Variants in CAPN8 observed in about 807,000 individuals in gnomAD.
The protein encoded by CAPN8 is calpain 8.
Under a neutral mutation model 80.9 loss-of-function variants are expected in CAPN8, and 87 were observed. The ratio of observed to expected loss-of-function variants is 1.07; its 90% CI spans 0.90 to 1.28. CAPN8 has a LOEUF of 1.28. Among genes scored for constraint, CAPN8 ranks in the 50% most tolerant of loss-of-function variants. The pLI is 0.00. For synonymous variants in CAPN8, 299 were observed against 273.8 expected (o/e 1.09, Z -0.91); for missense variants, 757 against 702.0 (o/e 1.08, Z -0.89).
chr1:223,627,205 A>G lies in CAPN8; in HGVS notation c.561-48T>C, dbSNP rs1204263495. ...TGCTCCATTAGCACCCTCAGCAAGG[A>G]GACCCGGGGATTGGGGACCGGGACA... On this transcript the variant is annotated intron_variant, in intron 4 of 20. Transcript: ENST00000366872. 5.2e-6 allele frequency: 8 copies of G among 1,540,722 alleles called. No individual in the cohort carries two copies. In the East Asian group the frequency reaches 1.7e-4, roughly 33 times the overall value.
chr1:223,611,807 T>C (rs1005980628), intron 11 of CAPN8, among the ~76,000 whole-genome samples: 3 of 152,238 alleles, frequency 2.0e-5, no homozygotes, highest in African/African-American at 7.2e-5. Context: ...ACACTAGAGC[T>C]GATGAATTGA....
chr1:223,661,574 G>A (rs1467554331), intron 1 of CAPN8, among the ~76,000 whole-genome samples: 1 of 152,176 alleles, frequency 6.6e-6, no homozygotes, highest in Non-Finnish European at 1.5e-5. Context: ...AGGTTACAGT[G>A]AGCCGAATTC....
intron 5 of CAPN8, among the ~76,000 whole-genome samples, chr1:223,626,463 C>T (rs889383222): frequency 2.0e-5 from 3 of 152,142 alleles, no homozygotes; most frequent in Non-Finnish European, 4.4e-5. Flanking sequence ...TCACAGGAGC[C>T]CGAGGTGGTG....
chr1:223,612,946 ATTT>A (rs1657069512), intron 10 of CAPN8, among the ~76,000 whole-genome samples: 1 of 152,056 alleles, frequency 6.6e-6, no homozygotes, highest in Admixed American at 6.5e-5. Context: ...CTGGTACACT[ATTT>A]TCACTAGCCT....
At chr1:223,661,973 A>G (rs1048500092) in intron 1 of CAPN8, among the ~76,000 whole-genome samples, 17 of 152,362 alleles carry the variant, frequency 1.1e-4, no homozygotes, top group African/African-American at 3.8e-4. Flanking sequence ...ACCACAGAAT[A>G]CTATTCAACC....
intron 4 of CAPN8, 72 bp from the exon 5 acceptor site, chr1:223,627,229 C>T: frequency 6.7e-7 from 1 of 1,490,028 alleles, no homozygotes; most frequent in Non-Finnish European, 9.1e-7. Context: ...GGGACCGGGA[C>T]AGTGCTAGGA....
chr1:223,646,405 G>A (rs1453663060), intron 2 of CAPN8, among the ~76,000 whole-genome samples: 1 of 152,194 alleles, frequency 6.6e-6, no homozygotes, highest in Non-Finnish European at 1.5e-5. Flanking sequence ...AGATGCTGAT[G>A]CCAGGGCTTC....
chr1:223,658,737 C>T (rs56361051), intron 1 of CAPN8, among the ~76,000 whole-genome samples: 12,109 of 152,158 alleles, frequency 0.08, 638 homozygotes, highest in East Asian at 0.17. Flanking sequence ...AACCAGGAGG[C>T]GGAGGTTGCA....
chr1:223,637,684 C>T (rs1657940128), intron 2 of CAPN8, among the ~76,000 whole-genome samples: 1 of 152,220 alleles, frequency 6.6e-6, no homozygotes, highest in African/African-American at 2.4e-5. Context: ...CACTCACCAG[C>T]ACTTGCCAAG....
chr1:223,618,308 C>G (rs1558342498), intron 9 of CAPN8: 1 of 1,550,274 alleles, frequency 6.5e-7, no homozygotes, highest in East Asian at 2.4e-5. Context: ...TAGTGATCTT[C>G]TGCGAGCCAG....
Position 223,656,671 on chromosome 1 carries a change from TTTTTG to T in CAPN8, c.238-2277_238-2273del, listed in dbSNP as rs1272507110. Among the ~76,000 whole-genome samples the T allele has an allele frequency of 3.4e-3, 281 of 82,208 alleles. 2 individuals are homozygous for T. Among genetic ancestry groups the T allele is most frequent in the South Asian group, 9.6e-3 (22 of 2,282 alleles). 53.9% of individuals were successfully genotyped at this position (82,208 alleles called of 152,430 possible). A position where few individuals can be genotyped will look rare whatever the true frequency, so the allele number is the denominator to read the frequency against. ...TATGTACATACACACGTTTTGGGTT[TTTTTG>T]TTTTGTTTTTTTTTTTTTTTTTTTT... On this transcript the variant is annotated intron_variant, in intron 1 of 20. Transcript: ENST00000366872.
intron 2 of CAPN8, among the ~76,000 whole-genome samples, chr1:223,643,112 G>A (rs1269771812): frequency 6.6e-6 from 1 of 152,184 alleles, no homozygotes; most frequent in Admixed American, 6.5e-5. Context: ...AGACAAAAAT[G>A]CTAGAAGCCA....
chr1:223,629,451 C>T (rs1657711414), intron 2 of CAPN8, among the ~76,000 whole-genome samples: 2 of 152,288 alleles, frequency 1.3e-5, no homozygotes, highest in Middle Eastern at 3.4e-3. Flanking sequence ...TGGTGTTCGT[C>T]ACATTGGAGA....
At chr1:223,660,745 C>T (rs368619995) in intron 1 of CAPN8, among the ~76,000 whole-genome samples, 92 of 152,302 alleles carry the variant, frequency 6.0e-4, no homozygotes, top group African/African-American at 1.6e-3. Flanking sequence ...TAGAAATTAA[C>T]GTCTGTGTGG....
chr1:223,629,087 G>GAGAAA (rs924915107), intron 2 of CAPN8: 5 of 360,880 alleles, frequency 1.4e-5, no homozygotes, highest in Middle Eastern at 7.8e-4. Context: ...GAGGAGAGGA[G>GAGAAA]AGAAAAGAAA....
At chr1:223,541,881 T>C in intron 20 of CAPN8, 22 bp from the exon 21 acceptor site, 2 of 1,508,722 alleles carry the variant, frequency 1.3e-6, no homozygotes, top group Admixed American at 2.1e-5. Flanking sequence ...AGGGACAAGA[T>C]TGAGTCTTGG....
At chr1:223,665,274 G>A (rs778724278) in intron 1 of CAPN8, 136 bp downstream of exon 1, 118 of 675,906 alleles carry the variant, frequency 1.7e-4, no homozygotes, top group Non-Finnish European at 2.8e-4. Context: ...ATTAAAAAAG[G>A]TGGTGGTGGA....
chr1:223,550,242 G>A (rs1352087669), intron 15 of CAPN8, among the ~76,000 whole-genome samples: 1 of 152,176 alleles, frequency 6.6e-6, no homozygotes, highest in Non-Finnish European at 1.5e-5. Flanking sequence ...CCGAGCCCTG[G>A]GGATCCATCT....
At chr1:223,661,394 C>T (rs1236321438) in intron 1 of CAPN8, among the ~76,000 whole-genome samples, 4 of 152,066 alleles carry the variant, frequency 2.6e-5, no homozygotes, top group Non-Finnish European at 5.9e-5. Flanking sequence ...CTTTGGGAGG[C>T]CAAGGTGGGC....
Sources: allele counts gnomAD v4.1 joint callset (sites outside exome capture counted in the v4.1 genomes callset), GRCh38; gene constraint gnomAD v4.1.1; transcripts MANE v1.5; gene names NCBI Gene and HGNC (gene_info 2026-07-23, HGNC 2026-07-21).